MACROD2: variants seen among roughly 807,000 people sequenced by gnomAD.
MACROD2 encodes the protein mono-ADP ribosylhydrolase 2, also known as ADP-ribose glycohydrolase MACROD2.
MACROD2 carries 36 observed loss-of-function variants against 70.4 expected under a neutral mutation model. The observed-to-expected ratio is 0.51, with a 90% CI of 0.39 to 0.68. MACROD2 has a LOEUF of 0.68. MACROD2 is among the 30% of genes least tolerant of loss of function. The probability of loss-of-function intolerance (pLI) is 0.00; values close to 1 mark genes in which losing one functional copy is unlikely to be tolerated. For missense variants in MACROD2, 496 were observed against 538.4 expected (o/e 0.92, Z 0.78); for synonymous variants, 172 against 178.8 (o/e 0.96, Z 0.30).
At chr20:14,968,132 A>G (rs140909076) in intron 5 of MACROD2, among the ~76,000 whole-genome samples, 40 of 152,308 alleles carry the variant, frequency 2.6e-4, no homozygotes, top group African/African-American at 9.1e-4. Context: ...TTAAATTTAT[A>G]TGGTAGGTCA....
At chr20:14,847,900 A>C (rs972831168) in intron 5 of MACROD2, among the ~76,000 whole-genome samples, 1 of 152,180 alleles carries the variant, frequency 6.6e-6, no homozygotes, top group Non-Finnish European at 1.5e-5. Context: ...AGGTTGCAGG[A>C]TTAATGAGCT....
chr20:15,948,383 A>AAAAAAAAAAAAAAAAAAAAAAAAAAAAG (rs2065857052), intron 12 of MACROD2, among the ~76,000 whole-genome samples: 1 of 42,678 alleles, frequency 2.3e-5, no homozygotes, highest in African/African-American at 1.9e-4. Context: ...TTGCAACTGC[A>AAAAAAAAAAAAAAAAAAAAAAAAAAAAG]AAAAAAAAAA....
chr20:14,800,480 T>G (rs915374186), intron 5 of MACROD2, among the ~76,000 whole-genome samples: 5 of 152,146 alleles, frequency 3.3e-5, no homozygotes, highest in Non-Finnish European at 1.5e-5. Context: ...ATTTCTGTCA[T>G]TTTTAAAAAT....
At chr20:15,510,443 C>CA (rs1204594599) in intron 8 of MACROD2, among the ~76,000 whole-genome samples, 1 of 152,138 alleles carries the variant, frequency 6.6e-6, no homozygotes, top group African/African-American at 2.4e-5. Context: ...TTGATACGGT[C>CA]ATCTAGCTCA....
chr20:14,084,289 T>C (rs967275131), intron 2 of MACROD2, among the ~76,000 whole-genome samples: 3 of 151,936 alleles, frequency 2.0e-5, no homozygotes, highest in African/African-American at 7.3e-5. Context: ...TGCATGCTCA[T>C]GAGAGTATCT....
intron 5 of MACROD2, among the ~76,000 whole-genome samples, chr20:15,137,689 C>A (rs1423173598): frequency 6.6e-6 from 1 of 151,288 alleles, no homozygotes; most frequent in African/African-American, 2.4e-5. Flanking sequence ...TGCACATGTA[C>A]CCTAAAACTT....
At chr20:14,051,687 G>C in intron 2 of MACROD2, 1 of 347,376 alleles carries the variant, frequency 2.9e-6, no homozygotes, top group South Asian at 2.2e-5. Context: ...GAATGGTAAA[G>C]AGAAAAAACA....
intron 6 of MACROD2, among the ~76,000 whole-genome samples, chr20:15,386,355 T>C (rs2045712696): frequency 6.6e-6 from 1 of 152,202 alleles, no homozygotes. Flanking sequence ...ACTTTTAAAG[T>C]TGGGAGGGAG....
At chr20:15,732,106 G>A (rs1168703229) in intron 8 of MACROD2, among the ~76,000 whole-genome samples, 1 of 150,490 alleles carries the variant, frequency 6.6e-6, no homozygotes, top group Admixed American at 6.7e-5. Flanking sequence ...AACACAGGTG[G>A]GGATGGGGTT....
intron 5 of MACROD2, among the ~76,000 whole-genome samples, chr20:14,728,432 A>G (rs1256073058): frequency 6.6e-6 from 1 of 152,194 alleles, no homozygotes; most frequent in African/African-American, 2.4e-5. Context: ...GCAATTTTAT[A>G]TAGCATACGT....
At chr20:14,022,277 AT>A (rs1569119786) in intron 2 of MACROD2, among the ~76,000 whole-genome samples, 10 of 152,152 alleles carry the variant, frequency 6.6e-5, no homozygotes, top group Admixed American at 4.6e-4. Context: ...AGAATAAAGT[AT>A]TATTTCTTTC....
chr20:14,215,160 C>G (rs1485431511), intron 3 of MACROD2, among the ~76,000 whole-genome samples: 2 of 147,548 alleles, frequency 1.4e-5, no homozygotes, highest in Non-Finnish European at 3.0e-5. Context: ...ATATATGTTC[C>G]ATCATATATA....
chr20:15,707,942 TTA>T (rs986487848), intron 8 of MACROD2, among the ~76,000 whole-genome samples: 3 of 151,346 alleles, frequency 2.0e-5, no homozygotes, highest in African/African-American at 7.4e-5. Flanking sequence ...AGTTCTTCTC[TTA>T]AAGGCAGTGA....
At chr20:15,467,900 G>C (rs1386734908) in intron 7 of MACROD2, among the ~76,000 whole-genome samples, 1 of 152,130 alleles carries the variant, frequency 6.6e-6, no homozygotes, top group Non-Finnish European at 1.5e-5. Flanking sequence ...TGAAATGAAA[G>C]TTTCTGTGAT....
intron 6 of MACROD2, among the ~76,000 whole-genome samples, chr20:15,353,504 G>T (rs2078251402): frequency 6.6e-6 from 1 of 152,000 alleles, no homozygotes; most frequent in African/African-American, 2.4e-5. Context: ...TTGACAAATG[G>T]GATCTAATTA....
intron 6 of MACROD2, among the ~76,000 whole-genome samples, chr20:15,323,026 T>G (rs1308102752): frequency 6.8e-6 from 1 of 146,188 alleles, no homozygotes; most frequent in Non-Finnish European, 1.5e-5. Context: ...ACCTCAACTA[T>G]GAAATAAGAG....
chr20:14,690,008 A>G (rs2071044304), intron 5 of MACROD2, among the ~76,000 whole-genome samples: 1 of 98,600 alleles, frequency 1.0e-5, no homozygotes, highest in Admixed American at 9.2e-5. Flanking sequence ...TTTAAAAAAC[A>G]TATTTTAACA....
At chr20:15,951,519 C>T (rs1455133462) in intron 12 of MACROD2, among the ~76,000 whole-genome samples, 2 of 151,994 alleles carry the variant, frequency 1.3e-5, no homozygotes, top group African/African-American at 2.4e-5. Context: ...AGATTGTTTT[C>T]CTATTTCATT....
chr20:14,602,011 G>T (rs534255601), intron 4 of MACROD2, among the ~76,000 whole-genome samples: 1 of 152,224 alleles, frequency 6.6e-6, no homozygotes, highest in East Asian at 1.9e-4. Context: ...AAAGCTTCTT[G>T]AGAACATGGA....
Sources: allele counts gnomAD v4.1 joint callset (sites outside exome capture counted in the v4.1 genomes callset), GRCh38; gene constraint gnomAD v4.1.1; transcripts MANE v1.5; gene names NCBI Gene and HGNC (gene_info 2026-07-23, HGNC 2026-07-21).